ANKRD36C: variants seen among roughly 807,000 people sequenced by gnomAD.
ANKRD36C encodes the protein ankyrin repeat domain-containing protein 36C.
A neutral mutation model predicts 276.4 loss-of-function variants in ANKRD36C; 61 were observed. The observed-to-expected ratio is 0.22, with a 90% CI of 0.18 to 0.27. ANKRD36C has a LOEUF of 0.27. Ranked by LOEUF, ANKRD36C falls within the 10% of genes least tolerant of loss-of-function variation. The pLI, the probability that ANKRD36C is intolerant of heterozygous loss-of-function variation, is 1.00. For missense variants in ANKRD36C, 1,447 were observed against 2,032.3 expected (o/e 0.71, Z 5.54); for synonymous variants, 483 against 680.1 (o/e 0.71, Z 4.51).
exon 34 of ANKRD36C, chr2:95,921,622 C>G: frequency 6.2e-7 from 1 of 1,608,342 alleles, no homozygotes; most frequent in Non-Finnish European, 8.5e-7. Flanking sequence ...CCAGATTTTT[C>G]TCCATCCTTT....
At chr2:95,948,300 T>A (rs1678107092) in intron 17 of ANKRD36C, among the ~76,000 whole-genome samples, 1 of 90,578 alleles carries the variant, frequency 1.1e-5, no homozygotes, top group African/African-American at 4.1e-5. Context: ...TTTCCAGCAA[T>A]TTTTTTTTCA....
At chr2:95,989,845 C>A (rs2104549449) in intron 1 of ANKRD36C, among the ~76,000 whole-genome samples, 2 of 152,172 alleles carry the variant, frequency 1.3e-5, no homozygotes, top group Admixed American at 1.3e-4. Context: ...AACTTAAATA[C>A]CTTCTCCTCC....
intron 28 of ANKRD36C, among the ~76,000 whole-genome samples, chr2:95,925,940 G>A (rs1463173164): frequency 6.6e-6 from 1 of 151,460 alleles, no homozygotes; most frequent in Non-Finnish European, 1.5e-5. Flanking sequence ...GACATCAGAG[G>A]GATTTATACC....
At chr2:95,906,460 C>T (rs1676761605) in intron 42 of ANKRD36C, among the ~76,000 whole-genome samples, 171 bp downstream of exon 50, 1 of 116,022 alleles carries the variant, frequency 8.6e-6, no homozygotes, top group African/African-American at 3.0e-5. Flanking sequence ...CAGTGAAGAT[C>T]ATGTTCCAGA....
chr2:95,923,409 A>G, intron 32 of ANKRD36C, 86 bp downstream of exon 32: 3 of 1,515,430 alleles, frequency 2.0e-6, no homozygotes, highest in Non-Finnish European at 2.7e-6. Context: ...TGCAGCTTTG[A>G]TGAGCCCCCC....
At chr2:95,971,498 T>C (rs1014170713) in intron 6 of ANKRD36C, among the ~76,000 whole-genome samples, 15 of 152,046 alleles carry the variant, frequency 9.9e-5, no homozygotes, top group Non-Finnish European at 2.1e-4. Context: ...AAAATAAAGT[T>C]ATTAATTTTT....
At chr2:95,917,773 G>A (rs568264324) in intron 36 of ANKRD36C, 82 bp downstream of exon 38, 65 of 1,502,416 alleles carry the variant, frequency 4.3e-5, no homozygotes, top group South Asian at 1.9e-4. Flanking sequence ...ACCCCCAACC[G>A]CCCTCCGCTG....
At chr2:95,893,490 C>A (rs1473212922) in intron 44 of ANKRD36C, 43 bp downstream of exon 64, 13 of 1,533,892 alleles carry the variant, frequency 8.5e-6, no homozygotes, top group Non-Finnish European at 1.1e-5. Flanking sequence ...AACTTCTTAT[C>A]TATCTGGACT....
chr2:95,912,170 C>G, intron 42 of ANKRD36C, 74 bp downstream of exon 44: 1 of 1,527,592 alleles, frequency 6.5e-7, no homozygotes, highest in Non-Finnish European at 8.8e-7. Flanking sequence ...CGACCAGCCC[C>G]CCACTGATTT....
rs189129944 is a variant in ANKRD36C at position 95,882,652 on chromosome 2, G to A, written c.3266-155C>T. ...TGTGTCTTTGGGACAGGAACATGAG[G>A]AAATACACTGAAGAAAATAGGAATA... is the stretch of plus-strand genomic sequence containing the variant. On this transcript the variant is annotated intron_variant, in intron 54 of 66. Coordinates refer to ENST00000456556, the Ensembl canonical transcript of ANKRD36C. Among the ~76,000 whole-genome samples, 3 of 152,194 alleles carry A rather than the reference G, an allele frequency of 2.0e-5. No homozygotes were observed. The East Asian group carries it at 5.8e-4, about 29-fold the overall frequency.
chr2:95,915,792 A>T (rs1677075431), intron 38 of ANKRD36C, among the ~76,000 whole-genome samples, 188 bp downstream of exon 40: 1 of 151,512 alleles, frequency 6.6e-6, no homozygotes, highest in Non-Finnish European at 1.5e-5. Flanking sequence ...GGATGTGTAT[A>T]ATCTTACAGC....
At chr2:95,927,490 A>T in intron 26 of ANKRD36C, 81 bp from the exon 27 acceptor site, 1 of 1,590,026 alleles carries the variant, frequency 6.3e-7, no homozygotes, top group Non-Finnish European at 8.5e-7. Context: ...GTTAGCATCA[A>T]ACTATATCTT....
intron 24 of ANKRD36C, among the ~76,000 whole-genome samples, chr2:95,933,484 T>C (rs144400808): frequency 2.9e-3 from 448 of 152,282 alleles, no homozygotes; most frequent in African/African-American, 0.01. Context: ...CTTGAAGAGG[T>C]CTTTCTCATC....
chr2:95,921,560 T>C, intron 34 of ANKRD36C, 47 bp downstream of exon 34: 1 of 1,574,232 alleles, frequency 6.4e-7, no homozygotes, highest in South Asian at 1.2e-5. Context: ...GAGAAGTTCT[T>C]TTCTATCTGG....
chr2:95,964,174 T>C (rs186479879), intron 6 of ANKRD36C, among the ~76,000 whole-genome samples: 1 of 147,090 alleles, frequency 6.8e-6, no homozygotes, highest in Non-Finnish European at 1.5e-5. Flanking sequence ...AACACAGCTT[T>C]CCTAAAGAAA....
intron 6 of ANKRD36C, among the ~76,000 whole-genome samples, chr2:95,964,018 T>TATATAA (rs1678535203): frequency 8.8e-5 from 1 of 11,364 alleles, no homozygotes. Context: ...TATATATGTG[T>TATATAA]GTGTGTGTCA....
At chr2:95,878,489 TTAAC>T (rs1676004498) in intron 58 of ANKRD36C, among the ~76,000 whole-genome samples, 1 of 152,194 alleles carries the variant, frequency 6.6e-6, no homozygotes. Context: ...TTTCATTTGA[TTAAC>T]TAATATCAAC....
At chr2:95,891,144 C>T (rs965106983) in intron 46 of ANKRD36C, among the ~76,000 whole-genome samples, 5 of 151,406 alleles carry the variant, frequency 3.3e-5, no homozygotes, top group Admixed American at 6.6e-5. Flanking sequence ...ACTCAGGTTT[C>T]CTCAGCAGAA....
chr2:95,940,165 C>T (rs1677835414), intron 20 of ANKRD36C, among the ~76,000 whole-genome samples: 1 of 19,002 alleles, frequency 5.3e-5, no homozygotes, highest in Non-Finnish European at 1.3e-4. Context: ...ACTACAGGCA[C>T]ATACATGCCA....
Sources: gnomAD v4.1 joint callset for allele counts (sites outside exome capture counted in the v4.1 genomes callset) on GRCh38, gnomAD v4.1.1 for gene constraint, MANE v1.5 for transcripts, NCBI Gene and HGNC (gene_info 2026-07-23, HGNC 2026-07-21) for gene names.